NTNG1: variants seen among roughly 807,000 people sequenced by gnomAD.
NTNG1 encodes netrin G1.
In NTNG1, 16 loss-of-function variants were observed where a neutral mutation model predicts 54.0. That is an observed-to-expected ratio of 0.30 (90% confidence interval 0.20 to 0.45). The LOEUF (loss-of-function observed/expected upper bound fraction) is 0.45, where lower values mean the gene tolerates loss of function less well. Among genes scored for constraint, NTNG1 ranks in the 20% least tolerant of loss-of-function variants. NTNG1 has a pLI of 1.00. For missense variants in NTNG1, 530 were observed against 678.7 expected (o/e 0.78, Z 2.43); for synonymous variants, 255 against 263.1 (o/e 0.97, Z 0.30).
chr1:107,475,890 C>T lies in NTNG1; in HGVS notation c.1391-4721C>T, dbSNP rs548270229. ...CTTGTGACAACCAAAAAAAATGTCTCCAGACATTGTCAAATACCCATGGGA... is the reference window on the plus strand; with the variant it reads ...CTTGTGACAACCAAAAAAAATGTCTTCAGACATTGTCAAATACCCATGGGA... On this transcript the variant is annotated intron_variant, in intron 7 of 7. Transcript: ENST00000370068. Among the ~76,000 whole-genome samples, 6 of 152,242 alleles carry T rather than the reference C, an allele frequency of 3.9e-5. No individual in the cohort carries two copies. The East Asian group carries it at 1.2e-3, about 29-fold the overall frequency.
Position 107,148,446 on chromosome 1 carries a change from G to A in NTNG1, c.-148G>A, listed in dbSNP as rs1002833644. 45 of 694,224 alleles carry A rather than the reference G, an allele frequency of 6.5e-5. No homozygotes were observed. The highest frequency in any genetic ancestry group is 1.0e-4 in the Non-Finnish European group (42 of 410,818). The allele number at this position is 694,224 out of a possible 1,614,324, so 43.0% of individuals were successfully genotyped here. ...ATTTGGTTTTGGGATCTGCTTTGAGGTCCCATCTTCATTTAAAAAAAAATA... is the reference window on the plus strand; with the variant it reads ...ATTTGGTTTTGGGATCTGCTTTGAGATCCCATCTTCATTTAAAAAAAAATA... On this transcript the variant is annotated 5_prime_UTR_variant, in exon 2 of 8. Coordinates refer to ENST00000370068, the MANE Select transcript of NTNG1 (RefSeq NM_001113226.3).
rs1411915426 is a variant in NTNG1, at chr1:107,482,623, AG to A, written c.*1785del. The A allele has an allele frequency of 6.6e-6, 1 of 152,250 alleles. No homozygotes were observed. The highest frequency in any genetic ancestry group is 6.5e-5 in the Admixed American group (1 of 15,282). 9.4% of individuals were successfully genotyped at this position (152,250 alleles called of 1,614,324 possible). A position where few individuals can be genotyped will look rare whatever the true frequency, so the allele number is the denominator to read the frequency against. ...ATTATCAGCCCGAACCAGAGTCTTA[AG>A]GACAATGAAATTCTACATGACTTGG... On this transcript the variant is annotated 3_prime_UTR_variant, in exon 8 of 8. Coordinates refer to ENST00000370068, the MANE Select transcript of NTNG1 (RefSeq NM_001113226.3).
At chr1:107,357,933 G>A (rs527400490) in intron 3 of NTNG1, among the ~76,000 whole-genome samples, 7 of 152,116 alleles carry the variant, frequency 4.6e-5, no homozygotes, top group Admixed American at 1.3e-4. Flanking sequence ...ATTTGAAACT[G>A]TAACAGTGGA....
intron 7 of NTNG1, among the ~76,000 whole-genome samples, chr1:107,470,543 G>C (rs1401580344): frequency 6.6e-6 from 1 of 152,206 alleles, no homozygotes; most frequent in East Asian, 1.9e-4. Flanking sequence ...GATTATGCTG[G>C]ATAAACATTT....
chr1:107,292,062 AT>A (rs1403416793), intron 2 of NTNG1, among the ~76,000 whole-genome samples: 2 of 152,208 alleles, frequency 1.3e-5, no homozygotes, highest in Admixed American at 6.5e-5. Context: ...GTTGATAAAC[AT>A]AAAAAAACTG....
chr1:107,480,037 G>T (rs1288425385), intron 7 of NTNG1, among the ~76,000 whole-genome samples: 1 of 151,418 alleles, frequency 6.6e-6, no homozygotes, highest in East Asian at 1.9e-4. Context: ...TTCCCATCTG[G>T]CTGCCGCCTG....
chr1:107,286,942 T>C lies in NTNG1; in HGVS notation c.247-37340T>C, dbSNP rs145099633. On this transcript the variant is annotated intron_variant, in intron 2 of 7. Coordinates refer to ENST00000370068, the MANE Select transcript of NTNG1 (RefSeq NM_001113226.3). ...ATTTAGCATATTCAAATAATAACAC[T>C]AAGCACTGTATCCTTCACACATCTG... Among the ~76,000 whole-genome samples, 337 of 152,286 alleles carry C rather than the reference T, an allele frequency of 2.2e-3. 1 individual carries two copies. The highest frequency in any genetic ancestry group is 7.5e-3 in the African/African-American group (313 of 41,566).
At position 107,408,001 on chromosome 1, in the gene NTNG1, G is replaced by A. The variant is rs944888389; in HGVS notation, c.1087+293G>A. 1.5e-4 allele frequency: 88 copies of A among 599,790 alleles called. 1 individual carries two copies. The highest frequency in any genetic ancestry group is 2.6e-4 in the Non-Finnish European group (83 of 317,976). The allele number at this position is 599,790 out of a possible 1,614,324, so 37.2% of individuals were successfully genotyped here. ...AATTCCTTAGATAATCATCATTCAGGAAAAATATAAGTAGTCCTATTTATC... is the reference window on the plus strand; with the variant it reads ...AATTCCTTAGATAATCATCATTCAGAAAAAATATAAGTAGTCCTATTTATC... On this transcript the variant is annotated intron_variant, in intron 5 of 7. Coordinates refer to ENST00000370068, the MANE Select transcript of NTNG1 (RefSeq NM_001113226.3).
intron 7 of NTNG1, among the ~76,000 whole-genome samples, chr1:107,441,509 C>T (rs1675963421): frequency 6.6e-6 from 1 of 152,094 alleles, no homozygotes; most frequent in African/African-American, 2.4e-5. Flanking sequence ...AAGCAAAGTA[C>T]ACATAGCAAG....
chr1:107,217,988 A>C (rs1390554955), intron 2 of NTNG1, among the ~76,000 whole-genome samples: 4 of 151,944 alleles, frequency 2.6e-5, no homozygotes, highest in Non-Finnish European at 5.9e-5. Context: ...AGTTTAATTC[A>C]ATTGTTTTGT....
chr1:107,311,813 A>G (rs1667033073), intron 2 of NTNG1, among the ~76,000 whole-genome samples: 1 of 152,138 alleles, frequency 6.6e-6, no homozygotes, highest in Admixed American at 6.6e-5. Context: ...AAAAAAAATC[A>G]CAATTTTATA....
In NTNG1 at chr1:107,480,871, G is replaced by A. The variant is rs1259823562; in HGVS notation, c.*31G>A. ...ACCTCCAGCCACACCGGACGGGCCT[G>A]TGCCGTGGGGAAGCAGACACAACCC... is the stretch of plus-strand genomic sequence containing the variant. On this transcript the variant is annotated 3_prime_UTR_variant, in exon 8 of 8. Transcript: ENST00000370068. The A allele has an allele frequency of 3.3e-6, 5 of 1,505,690 alleles. No individual in the cohort carries two copies. In the South Asian group the frequency reaches 6.0e-5, roughly 18 times the overall value. The allele number at this position is 1,505,690 out of a possible 1,614,324, so 93.3% of individuals were successfully genotyped here. A position where few individuals can be genotyped will look rare whatever the true frequency, so the allele number is the denominator to read the frequency against.
chr1:107,419,306 A>G (rs1001904720), intron 5 of NTNG1, among the ~76,000 whole-genome samples: 3 of 150,854 alleles, frequency 2.0e-5, no homozygotes, highest in Non-Finnish European at 4.4e-5. Context: ...TTTTCCTTTT[A>G]TCTTCTTTAT....
rs532383825 is a variant in NTNG1 at position 107,455,531 on chromosome 1, G to A, written c.1390+18732G>A. ...TCTTCTTCAACAGCTGTGTTAGTGTGCGTAAAAAGTAATAAATGCCTGACT... is the reference window on the plus strand; with the variant it reads ...TCTTCTTCAACAGCTGTGTTAGTGTACGTAAAAAGTAATAAATGCCTGACT... On this transcript the variant is annotated intron_variant, in intron 7 of 7. Coordinates refer to ENST00000370068, the MANE Select transcript of NTNG1 (RefSeq NM_001113226.3). 11 of 433,936 alleles carry A rather than the reference G, an allele frequency of 2.5e-5. No individual in the cohort carries two copies. The East Asian group carries it at 7.2e-4, about 28-fold the overall frequency. The allele number at this position is 433,936 out of a possible 1,614,324, so 26.9% of individuals were successfully genotyped here.
intron 2 of NTNG1, among the ~76,000 whole-genome samples, chr1:107,225,846 G>A (rs946719987): frequency 4.6e-5 from 7 of 152,002 alleles, no homozygotes; most frequent in South Asian, 4.2e-4. Flanking sequence ...AACCCTTTCC[G>A]GGCAATTAAC....
intron 3 of NTNG1, among the ~76,000 whole-genome samples, chr1:107,362,631 G>C (rs1670366753): frequency 6.6e-6 from 1 of 152,218 alleles, no homozygotes; most frequent in South Asian, 2.1e-4. Context: ...AGTGTCCACT[G>C]CTTGATGAAG....
intron 2 of NTNG1, among the ~76,000 whole-genome samples, chr1:107,252,915 G>C (rs1252537121): frequency 6.6e-6 from 1 of 152,106 alleles, no homozygotes; most frequent in Non-Finnish European, 1.5e-5. Flanking sequence ...ATGGGCATAG[G>C]CACAGTGCAG....
chr1:107,259,218 T>A (rs1663134523), intron 2 of NTNG1, among the ~76,000 whole-genome samples: 2 of 152,188 alleles, frequency 1.3e-5, no homozygotes, highest in Non-Finnish European at 1.5e-5. Context: ...ATATTTTTAT[T>A]CAATCAAAGC....
intron 2 of NTNG1, among the ~76,000 whole-genome samples, chr1:107,176,431 T>C (rs1175717081): frequency 6.6e-6 from 1 of 152,224 alleles, no homozygotes; most frequent in Non-Finnish European, 1.5e-5. Context: ...TCTTTATAAA[T>C]AACTCAGTTG....
Sources: gnomAD v4.1 joint callset for allele counts (sites outside exome capture counted in the v4.1 genomes callset) on GRCh38, gnomAD v4.1.1 for gene constraint, MANE v1.5 for transcripts, NCBI Gene and HGNC (gene_info 2026-07-23, HGNC 2026-07-21) for gene names.